KCNQ1OT1: variants seen among roughly 807,000 people sequenced by gnomAD.
KCNQ1OT1 encodes KCNQ1 opposite strand/antisense transcript 1.
exon 1 of KCNQ1OT1, chr11:2,649,839 C>T (rs1328019493): frequency 5.0e-6 from 2 of 398,336 alleles, no homozygotes; most frequent in East Asian, 3.6e-5. Flanking sequence ...CTCTTTCTCT[C>T]CCAAACTTTG....
chr11:2,655,682 CCCA>C, exon 1 of KCNQ1OT1: 1 of 136,098 alleles, frequency 7.3e-6, no homozygotes, highest in Non-Finnish European at 1.6e-5. Flanking sequence ...TCCCCACCCA[CCCA>C]CCCCCAGCTC....
rs894333425 is a variant in KCNQ1OT1, at chr11:2,671,821, C to A, written n.28174G>T. The A allele has an allele frequency of 2.5e-6, 1 of 398,646 alleles. No homozygotes were observed. The highest frequency in any genetic ancestry group is 4.4e-6 in the Non-Finnish European group (1 of 226,178). The allele number at this position is 398,646 out of a possible 1,614,324, so 24.7% of individuals were successfully genotyped here. A position where few individuals can be genotyped will look rare whatever the true frequency, so the allele number is the denominator to read the frequency against. On this transcript the variant is annotated non_coding_transcript_exon_variant, in exon 1 of 1. Transcript: ENST00000597346. The surrounding 1 kb of genome is among the most constrained non-coding windows in gnomAD (Gnocchi z 4.7). ...TTCCCCCAAATAAATCCCTGCAACC[C>A]CACTGTGGTTATAGGTCTGAGCCTT...
chr11:2,699,001 G>A (rs1200964183), exon 1 of KCNQ1OT1: 1 of 398,358 alleles, frequency 2.5e-6, no homozygotes, highest in Admixed American at 4.4e-5. Context: ...TCCTAATTCG[G>A]GCCCTGACTC....
Position 2,670,029 on chromosome 11 carries a change from C to G in KCNQ1OT1, n.29966G>C. On this transcript the variant is annotated non_coding_transcript_exon_variant, in exon 1 of 1. Coordinates refer to ENST00000597346, the Ensembl canonical transcript of KCNQ1OT1. The surrounding 1 kb of genome is among the most constrained non-coding windows in gnomAD (Gnocchi z 4.9). ...GAGCTGTTGGGGTCCCGTGGAGGTA[C>G]AGGCGGAAACCTAGCACTCACTATT... 2.5e-6 allele frequency: 1 copy of G among 398,602 alleles called. No individual in the cohort carries two copies. The highest frequency in any genetic ancestry group is 4.4e-6 in the Non-Finnish European group (1 of 226,092). 24.7% of individuals were successfully genotyped at this position (398,602 alleles called of 1,614,324 possible).
At chr11:2,656,151 G>A (rs1318092948) in exon 1 of KCNQ1OT1, 1 of 398,502 alleles carries the variant, frequency 2.5e-6, no homozygotes, top group Non-Finnish European at 4.4e-6. Flanking sequence ...ACATACAAGT[G>A]ATGCAAACAT....
At chr11:2,675,359 C>T (rs140623345) in exon 1 of KCNQ1OT1, 7 of 398,376 alleles carry the variant, frequency 1.8e-5, no homozygotes, top group African/African-American at 4.1e-5. Flanking sequence ...GTTTAAAACA[C>T]GTGTGTGCAT....
chr11:2,672,153 T>C (rs1429633484), exon 1 of KCNQ1OT1: 3 of 398,696 alleles, frequency 7.5e-6, no homozygotes, highest in Non-Finnish European at 1.3e-5. Flanking sequence ...CCTTTCAAAG[T>C]TGGGCTTGTT....
chr11:2,628,018 C>T, exon 1 of KCNQ1OT1: 1 of 398,652 alleles, frequency 2.5e-6, no homozygotes. Context: ...CCCCCAAGTA[C>T]TGGGATTACA....
chr11:2,646,412 C>G (rs968888683), exon 1 of KCNQ1OT1: 3 of 398,446 alleles, frequency 7.5e-6, no homozygotes, highest in African/African-American at 6.2e-5. Flanking sequence ...TTGTGGAAAT[C>G]TTTCACCTCC....
rs1365761534 is a variant in KCNQ1OT1, at chr11:2,642,734, G to C, written n.57261C>G. Reference sequence around the variant, plus strand: ...TAGTATGGTTTGTTCTTGCTTTTCTGGTTCCTTCAGGTGTATCATTAGATT... The same window carrying C: ...TAGTATGGTTTGTTCTTGCTTTTCTCGTTCCTTCAGGTGTATCATTAGATT... On this transcript the variant is annotated non_coding_transcript_exon_variant, in exon 1 of 1. Transcript: ENST00000597346. The surrounding 1 kb of genome is among the most constrained non-coding windows in gnomAD (Gnocchi z 4.3). 8 of 397,284 alleles carry C rather than the reference G, an allele frequency of 2.0e-5. No individual in the cohort carries two copies. The highest frequency in any genetic ancestry group is 3.1e-5 in the Non-Finnish European group (7 of 225,524). 24.6% of individuals were successfully genotyped at this position (397,284 alleles called of 1,614,324 possible).
chr11:2,664,742 G>T lies in KCNQ1OT1; in HGVS notation n.35253C>A. On this transcript the variant is annotated non_coding_transcript_exon_variant, in exon 1 of 1. Transcript: ENST00000597346. The surrounding 1 kb of genome is among the most constrained non-coding windows in gnomAD (Gnocchi z 5.1). The stretch of plus-strand genomic sequence containing the variant: ...CGCCCTGGTGTGTGTGAGGGACAGG[G>T]ATGTGTGCTGGGGTCTCACAGGGGG... The T allele has an allele frequency of 2.5e-6, 1 of 398,780 alleles. No individual in the cohort carries two copies. The highest frequency in any genetic ancestry group is 2.1e-5 in the African/African-American group (1 of 48,744). The allele number at this position is 398,780 out of a possible 1,614,324, so 24.7% of individuals were successfully genotyped here.
At position 2,679,891 on chromosome 11, in the gene KCNQ1OT1, T is replaced by TTTTTTA; in HGVS notation, n.20098_20103dup. ...ACTTAGAACTAGCACGCCTAATTTT[T>TTTTTTA]TTTTTATTTTTATTTTTTTTGAGGC... On this transcript the variant is annotated non_coding_transcript_exon_variant, in exon 1 of 1. Coordinates refer to ENST00000597346, the Ensembl canonical transcript of KCNQ1OT1. This position sits in a 1 kb window ranked among gnomAD's most constrained non-coding sequence, Gnocchi z 4.8. 1 of 398,316 alleles carries TTTTTTA rather than the reference T, an allele frequency of 2.5e-6. No individual in the cohort carries two copies. The highest frequency in any genetic ancestry group is 4.4e-6 in the Non-Finnish European group (1 of 226,046). The allele number at this position is 398,316 out of a possible 1,614,324, so 24.7% of individuals were successfully genotyped here.
In KCNQ1OT1 at chr11:2,657,364, A is replaced by G. The variant is rs1849868170; in HGVS notation, n.42631T>C. The G allele has an allele frequency of 2.5e-6, 1 of 398,538 alleles. No individual in the cohort carries two copies. The allele number at this position is 398,538 out of a possible 1,614,324, so 24.7% of individuals were successfully genotyped here. On this transcript the variant is annotated non_coding_transcript_exon_variant, in exon 1 of 1. Transcript: ENST00000597346. This position sits in a 1 kb window ranked among gnomAD's most constrained non-coding sequence, Gnocchi z 4.8. ...GGAATGAAGGCATATTTCTCCATTT[A>G]TATCTTCTTCATTGTCTCTTACTAA...
At chr11:2,667,935 G>A (rs1052626144) in exon 1 of KCNQ1OT1, 32 of 398,676 alleles carry the variant, frequency 8.0e-5, no homozygotes, top group East Asian at 3.9e-4. Context: ...TGCAGCACCC[G>A]GAGGAAGCAA....
At chr11:2,629,171 A>G (rs1452762817) in exon 1 of KCNQ1OT1, 1 of 398,188 alleles carries the variant, frequency 2.5e-6, no homozygotes, top group East Asian at 3.6e-5. Context: ...GAATCTGTAG[A>G]TCACTTTGAG....
chr11:2,667,115 T>C (rs1332513254), exon 1 of KCNQ1OT1: 2 of 398,532 alleles, frequency 5.0e-6, no homozygotes, highest in Non-Finnish European at 8.8e-6. Flanking sequence ...CGAGGCGTAA[T>C]GGCTCAGTGG....
In KCNQ1OT1 at chr11:2,626,627, C is replaced by T. The variant is rs1849266526; in HGVS notation, n.73368G>A. The stretch of plus-strand genomic sequence containing the variant: ...TACTGCCACCTCAATCTCCCAGGCT[C>T]AAGCAATCCTCCCACCTCGGCTTCT... On this transcript the variant is annotated non_coding_transcript_exon_variant, in exon 1 of 1. Transcript: ENST00000597346. The surrounding 1 kb of genome is among the most constrained non-coding windows in gnomAD (Gnocchi z 4.0). 2.5e-6 allele frequency: 1 copy of T among 398,510 alleles called. No individual in the cohort carries two copies. The highest frequency in any genetic ancestry group is 4.4e-6 in the Non-Finnish European group (1 of 226,104). The allele number at this position is 398,510 out of a possible 1,614,324, so 24.7% of individuals were successfully genotyped here. A position where few individuals can be genotyped will look rare whatever the true frequency, so the allele number is the denominator to read the frequency against.
chr11:2,612,771 C>A lies in KCNQ1OT1; in HGVS notation n.87224G>T. On this transcript the variant is annotated non_coding_transcript_exon_variant, in exon 1 of 1. Coordinates refer to ENST00000597346, the Ensembl canonical transcript of KCNQ1OT1. This position sits in a 1 kb window ranked among gnomAD's most constrained non-coding sequence, Gnocchi z 5.5. Reference sequence around the variant, plus strand: ...CTATTTATTGCTCATTATTCTTGTTCAAGGGTCACAATTTTCTGTTTCTTT... The same window carrying A: ...CTATTTATTGCTCATTATTCTTGTTAAAGGGTCACAATTTTCTGTTTCTTT... 1 of 398,488 alleles carries A rather than the reference C, an allele frequency of 2.5e-6. No homozygotes were observed. The highest frequency in any genetic ancestry group is 4.4e-6 in the Non-Finnish European group (1 of 226,032). The allele number at this position is 398,488 out of a possible 1,614,324, so 24.7% of individuals were successfully genotyped here. A position where few individuals can be genotyped will look rare whatever the true frequency, so the allele number is the denominator to read the frequency against.
rs1849872105 is a variant in KCNQ1OT1 at position 2,657,589 on chromosome 11, T to C, written n.42406A>G. 2 of 398,610 alleles carry C rather than the reference T, an allele frequency of 5.0e-6. No individual in the cohort carries two copies. Among genetic ancestry groups the C allele is most frequent in the Non-Finnish European group, 8.8e-6 (2 of 226,052 alleles). 24.7% of individuals were successfully genotyped at this position (398,610 alleles called of 1,614,324 possible). On this transcript the variant is annotated non_coding_transcript_exon_variant, in exon 1 of 1. Coordinates refer to ENST00000597346, the Ensembl canonical transcript of KCNQ1OT1. The surrounding 1 kb of genome is among the most constrained non-coding windows in gnomAD (Gnocchi z 4.8). ...TAGCATCTTATATAACCATGGTACA[T>C]TGACCAAAACTAAAAAATTAACATT...
Sources: gnomAD v4.1 joint callset for allele counts on GRCh38, gnomAD v4.1.1 for gene constraint, Gnocchi (gnomAD v3.1) non-coding constraint, MANE v1.5 for transcripts, NCBI Gene and HGNC (gene_info 2026-07-23, HGNC 2026-07-21) for gene names.